Variants in PTAR1 observed in about 807,000 individuals in gnomAD.
The protein encoded by PTAR1 is protein prenyltransferase alpha subunit repeat containing 1.
PTAR1 carries 17 observed loss-of-function variants against 45.5 expected under a neutral mutation model. The observed-to-expected ratio is 0.37, with a 90% CI of 0.26 to 0.56. The LOEUF (loss-of-function observed/expected upper bound fraction) is 0.56. Among genes scored for constraint, PTAR1 ranks in the 20% least tolerant of loss-of-function variants. The pLI, the probability that PTAR1 is intolerant of heterozygous loss-of-function variation, is 0.77. For synonymous variants in PTAR1, 169 were observed against 171.3 expected (o/e 0.99, Z 0.11); for missense variants, 391 against 476.3 (o/e 0.82, Z 1.67).
chr9:69,718,415 G>T lies in PTAR1; in HGVS notation c.1136C>A (p.Ser379Tyr), dbSNP rs1430748957. The T allele has an allele frequency of 6.2e-7, 1 of 1,613,584 alleles. No individual in the cohort carries two copies. Among genetic ancestry groups the T allele is most frequent in the East Asian group, 2.2e-5 (1 of 44,858 alleles). ...GGCTTGCTCCACGTTCCGACAGGTG[G>T]ACAATACTTGATCAATGAACCTGTG... ...MEHRFIDQVL[S>Y]TCRNVEQARF... Residue 379 changes from serine (S) to tyrosine (Y), a missense_variant, in exon 8 of 8, where the codon TCC becomes TAC. Physicochemically the swap from Ser to Tyr is moderately radical, Grantham distance 144. This residue lies in a region of PTAR1 where 181 missense variants were observed against 227.7 expected (regional missense o/e 0.80). Coordinates refer to ENST00000340434, the MANE Select transcript of PTAR1 (RefSeq NM_001099666.2).
chr9:69,747,722 A>AT (rs1426996242), intron 2 of PTAR1, among the ~76,000 whole-genome samples: 4 of 152,124 alleles, frequency 2.6e-5, no homozygotes, highest in Admixed American at 2.6e-4. Flanking sequence ...AAGCCTTATG[A>AT]TTTTTCAAGT....
intron 3 of PTAR1, among the ~76,000 whole-genome samples, chr9:69,736,109 G>A (rs528111401): frequency 6.6e-6 from 1 of 152,054 alleles, no homozygotes; most frequent in Non-Finnish European, 1.5e-5. Context: ...TTTTAACCAC[G>A]TTTGAAAGCA....
chr9:69,723,136 TTAATGATGATGA>T (rs1447124391), intron 6 of PTAR1, among the ~76,000 whole-genome samples, 178 bp downstream of exon 6: 2 of 151,528 alleles, frequency 1.3e-5, no homozygotes, highest in Non-Finnish European at 2.9e-5. Flanking sequence ...GAATCTCTTA[TTAATGATGATGA>T]TGATGATGAT....
chr9:69,757,744 A>G (rs1203251846), intron 1 of PTAR1: 1 of 91,476 alleles, frequency 1.1e-5, no homozygotes, highest in African/African-American at 3.4e-5. Flanking sequence ...CGTTACAGAT[A>G]AACAATGCCT....
intron 2 of PTAR1, among the ~76,000 whole-genome samples, chr9:69,745,947 G>GT (rs751046531): frequency 2.6e-5 from 4 of 152,234 alleles, no homozygotes. Context: ...TGGCTAAGCA[G>GT]TGACTGCTGA....
intron 6 of PTAR1, among the ~76,000 whole-genome samples, chr9:69,721,915 CTCACTTTATTGCTATAT>C (rs921036815): frequency 2.0e-5 from 3 of 152,068 alleles, no homozygotes; most frequent in Non-Finnish European, 4.4e-5. Context: ...AATTGTGTGG[CTCACTTTATTGCTATAT>C]TCACTTTATT....
chr9:69,734,756 T>C (rs1330985898), intron 3 of PTAR1, among the ~76,000 whole-genome samples: 1 of 152,208 alleles, frequency 6.6e-6, no homozygotes, highest in East Asian at 1.9e-4. Flanking sequence ...GGAATCACTA[T>C]TCTAACCAAA....
In PTAR1 at chr9:69,716,205, T is replaced by C. The variant is rs990759214; in HGVS notation, c.*2137A>G. 2 of 152,100 alleles carry C rather than the reference T, an allele frequency of 1.3e-5. No homozygotes were observed. Among genetic ancestry groups the C allele is most frequent in the African/African-American group, 2.4e-5 (1 of 41,446 alleles). The allele number at this position is 152,100 out of a possible 1,614,324, so 9.4% of individuals were successfully genotyped here. A position where few individuals can be genotyped will look rare whatever the true frequency, so the allele number is the denominator to read the frequency against. The stretch of plus-strand genomic sequence containing the variant: ...TAGGCCAGAATCTGGCAACATATTT[T>C]AGTGGAATGGGCTGAACCACCCATG... On this transcript the variant is annotated 3_prime_UTR_variant, in exon 8 of 8. Coordinates refer to ENST00000340434, the MANE Select transcript of PTAR1 (RefSeq NM_001099666.2).
intron 2 of PTAR1, among the ~76,000 whole-genome samples, 196 bp from the exon 3 acceptor site, chr9:69,742,054 G>A (rs1156412106): frequency 1.3e-5 from 2 of 152,106 alleles, no homozygotes; most frequent in East Asian, 1.9e-4. Context: ...CTCCTGGTAA[G>A]TGTAACTCTC....
At position 69,734,258 on chromosome 9, in the gene PTAR1, T is replaced by TAAAAAAAAAAAAAAAAAAAAAAAAAAA. The variant is rs398010830; in HGVS notation, c.324-31_324-5dup. 5.2e-6 allele frequency: 1 copy of TAAAAAAAAAAAAAAAAAAAAAAAAAAA among 192,256 alleles called. No individual in the cohort carries two copies. Among genetic ancestry groups the TAAAAAAAAAAAAAAAAAAAAAAAAAAA allele is most frequent in the Non-Finnish European group, 8.6e-6 (1 of 116,098 alleles). 11.9% of individuals were successfully genotyped at this position (192,256 alleles called of 1,614,324 possible). A position where few individuals can be genotyped will look rare whatever the true frequency, so the allele number is the denominator to read the frequency against. On this transcript the variant is annotated splice_region_variant and splice_polypyrimidine_tract_variant and intron_variant, in intron 3 of 7. Transcript: ENST00000340434. ...GCCAGAGAGGATCAGCTCTTTCCTG[T>TAAAAAAAAAAAAAAAAAAAAAAAAAAA]AAAAAAAAAAAAAAAAAAAAAAAAA...
intron 3 of PTAR1, among the ~76,000 whole-genome samples, chr9:69,736,416 G>A (rs1355301668): frequency 6.6e-6 from 1 of 152,150 alleles, no homozygotes; most frequent in East Asian, 1.9e-4. Flanking sequence ...AATTAGCTGG[G>A]CATGGTGGCA....
intron 4 of PTAR1, among the ~76,000 whole-genome samples, chr9:69,733,693 T>G (rs1021541683): frequency 2.6e-5 from 4 of 152,192 alleles, no homozygotes; most frequent in African/African-American, 9.7e-5. Flanking sequence ...TTAATTTTAA[T>G]AACCACAACC....
intron 5 of PTAR1, among the ~76,000 whole-genome samples, chr9:69,730,691 T>C (rs1019054768): frequency 2.3e-4 from 35 of 151,132 alleles, no homozygotes; most frequent in Non-Finnish European, 5.9e-5. Context: ...ATTGTTGGTC[T>C]ACTTTCTCAA....
chr9:69,725,652 G>A (rs895326380), intron 5 of PTAR1, among the ~76,000 whole-genome samples: 2 of 151,466 alleles, frequency 1.3e-5, no homozygotes, highest in African/African-American at 4.8e-5. Flanking sequence ...AAAATTCTTA[G>A]GCTTTTAAAG....
In PTAR1 at chr9:69,709,725, T is replaced by C. The variant is rs1824451817; in HGVS notation, c.*8617A>G. The stretch of plus-strand genomic sequence containing the variant: ...CAGTGTAATAAGTGCCAGTAAGTCC[T>C]GGAAGACAGTTGCAGAGGAAGATTA... On this transcript the variant is annotated 3_prime_UTR_variant, in exon 8 of 8. Transcript: ENST00000340434. The C allele has an allele frequency of 6.6e-6, 1 of 152,138 alleles. No homozygotes were observed. Among genetic ancestry groups the C allele is most frequent in the African/African-American group, 2.4e-5 (1 of 41,448 alleles). The allele number at this position is 152,138 out of a possible 1,614,324, so 9.4% of individuals were successfully genotyped here.
At chr9:69,737,783 T>C (rs1370559479) in intron 3 of PTAR1, among the ~76,000 whole-genome samples, 1 of 152,216 alleles carries the variant, frequency 6.6e-6, no homozygotes, top group Non-Finnish European at 1.5e-5. Context: ...ATATCATCAT[T>C]GAGCCATATG....
chr9:69,720,565 C>G (rs1486523069), intron 6 of PTAR1, among the ~76,000 whole-genome samples: 1 of 152,178 alleles, frequency 6.6e-6, no homozygotes, highest in African/African-American at 2.4e-5. Flanking sequence ...CTGATGAAGG[C>G]AGCTATACTG....
chr9:69,757,433 T>C (rs1274785973), intron 1 of PTAR1: 2 of 152,198 alleles, frequency 1.3e-5, no homozygotes, highest in African/African-American at 2.4e-5. Flanking sequence ...ATTTATTGAG[T>C]GGCAACTAAG....
rs1480739161 is a variant in PTAR1 at position 69,709,743 on chromosome 9, G to A, written c.*8599C>T. 2 of 152,030 alleles carry A rather than the reference G, an allele frequency of 1.3e-5. No individual in the cohort carries two copies. The highest frequency in any genetic ancestry group is 3.9e-4 in the East Asian group (2 of 5,192). 9.4% of individuals were successfully genotyped at this position (152,030 alleles called of 1,614,324 possible). On this transcript the variant is annotated 3_prime_UTR_variant, in exon 8 of 8. Coordinates refer to ENST00000340434, the MANE Select transcript of PTAR1 (RefSeq NM_001099666.2). ...TAAGTCCTGGAAGACAGTTGCAGAG[G>A]AAGATTAGAATCCCAGGGCTGTTTG...
Sources: allele counts gnomAD v4.1 joint callset (sites outside exome capture counted in the v4.1 genomes callset), GRCh38; gene constraint gnomAD v4.1.1; regional missense constraint gnomAD v4.1.1; transcripts MANE v1.5; gene names NCBI Gene and HGNC (gene_info 2026-07-23, HGNC 2026-07-21).